The following SMARCA2 variants were observed in gnomAD, a reference collection of about 807,000 sequenced individuals.
SMARCA2 encodes the protein SWI/SNF related BAF chromatin remodeling complex subunit ATPase 2, also known as SWI/SNF-related matrix-associated actin-dependent regulator of chromatin subfamily A member 2.
In SMARCA2, 61 loss-of-function variants were observed where a neutral mutation model predicts 199.8. That is an observed-to-expected ratio of 0.31 (90% CI 0.25 to 0.38). The LOEUF is 0.38. Among genes scored for constraint, SMARCA2 ranks in the 10% least tolerant of loss-of-function variants. SMARCA2 has a pLI of 1.00. For missense variants in SMARCA2, 1,344 were observed against 2,012.2 expected, an observed-to-expected ratio of 0.67 and a Z score of 6.35; for synonymous variants, 935 against 732.0, an observed-to-expected ratio of 1.28 and a Z score of -4.48.
chr9:2,088,423 A>G, intron 18 of SMARCA2, 77 bp from the exon 19 acceptor site: 5 of 1,484,644 alleles, frequency 3.4e-6, no homozygotes, highest in African/African-American at 1.4e-5. Flanking sequence ...TGAACCACAC[A>G]TATGTAACAT....
chr9:2,044,416 A>C (rs1819745861), intron 4 of SMARCA2: 1 of 152,232 alleles, frequency 6.6e-6, no homozygotes, highest in Non-Finnish European at 1.5e-5. Flanking sequence ...ATAGAAAAAG[A>C]GTACTCCCAA....
At chr9:2,030,201 T>G (rs940876473) in intron 2 of SMARCA2, among the ~76,000 whole-genome samples, 5 of 152,162 alleles carry the variant, frequency 3.3e-5, no homozygotes, top group African/African-American at 1.2e-4. Context: ...TAGAGATATA[T>G]GTAAAAAGAG....
At chr9:2,073,394 G>A (rs1341814974) in intron 11 of SMARCA2, 52 bp downstream of exon 11, 3 of 1,607,970 alleles carry the variant, frequency 1.9e-6, no homozygotes, top group South Asian at 2.2e-5. Context: ...TTAGATTTTG[G>A]TAATCTTGTA....
Position 2,157,113 on chromosome 9 carries a change from C to T in SMARCA2, c.3982-4573C>T, listed in dbSNP as rs76157969. 2.3e-3 allele frequency among the ~76,000 whole-genome samples: 351 copies of T among 152,310 alleles called. 3 individuals are homozygous for T. Among genetic ancestry groups the T allele is most frequent in the African/African-American group, 8.0e-3 (333 of 41,558 alleles). ...TAAACCGATTAAAATAACGTAGCAT[C>T]TTTGAGGACGAGCTCTATGTTCAAC... On this transcript the variant is annotated intron_variant, in intron 27 of 33. Coordinates refer to ENST00000349721, the MANE Select transcript of SMARCA2 (RefSeq NM_003070.5).
At chr9:2,057,292 A>T (rs1820396678) in intron 7 of SMARCA2, among the ~76,000 whole-genome samples, 1 of 152,194 alleles carries the variant, frequency 6.6e-6, no homozygotes, top group African/African-American at 2.4e-5. Context: ...GCAGGCCAAG[A>T]AAGCTCTCCG....
chr9:2,078,163 A>G (rs993310096), intron 14 of SMARCA2, among the ~76,000 whole-genome samples: 1 of 152,160 alleles, frequency 6.6e-6, no homozygotes, highest in Admixed American at 6.5e-5. Context: ...TGTCTACTAC[A>G]TTTATGCTTT....
intron 5 of SMARCA2, among the ~76,000 whole-genome samples, chr9:2,051,046 T>C (rs929430803): frequency 6.6e-6 from 1 of 152,188 alleles, no homozygotes; most frequent in African/African-American, 2.4e-5. Context: ...ATCCTGAATC[T>C]CTTTATCGGA....
intron 19 of SMARCA2, among the ~76,000 whole-genome samples, chr9:2,095,562 T>C (rs1234303820): frequency 6.6e-6 from 1 of 152,208 alleles, no homozygotes; most frequent in East Asian, 1.9e-4. Flanking sequence ...GAGGGTTACT[T>C]ACACTTCTCA....
intron 5 of SMARCA2, among the ~76,000 whole-genome samples, chr9:2,048,237 A>G (rs1272049395): frequency 6.6e-6 from 1 of 152,196 alleles, no homozygotes; most frequent in African/African-American, 2.4e-5. Flanking sequence ...ATGTCAACCC[A>G]AAAGGGAGTC....
At chr9:2,080,683 T>G (rs1416329684) in intron 14 of SMARCA2, among the ~76,000 whole-genome samples, 1 of 152,224 alleles carries the variant, frequency 6.6e-6, no homozygotes, top group Non-Finnish European at 1.5e-5. Context: ...CAGAAACCTT[T>G]AGGATGACTT....
intron 17 of SMARCA2, among the ~76,000 whole-genome samples, chr9:2,084,514 T>C (rs1040285493): frequency 6.6e-6 from 1 of 152,046 alleles, no homozygotes; most frequent in Non-Finnish European, 1.5e-5. Flanking sequence ...GCAACTCTTT[T>C]TCTCTCTAAC....
chr9:2,159,903 T>C (rs948004604), intron 27 of SMARCA2: 1 of 1,611,230 alleles, frequency 6.2e-7, no homozygotes, highest in Non-Finnish European at 8.5e-7. Flanking sequence ...CTGCTGATAG[T>C]GGTAAGGTAA....
At chr9:2,172,650 T>C (rs1826318954) in intron 29 of SMARCA2, among the ~76,000 whole-genome samples, 3 of 152,024 alleles carry the variant, frequency 2.0e-5, no homozygotes, top group African/African-American at 4.8e-5. Context: ...TTTGATGTAC[T>C]CTTCTAGGAG....
rs530255005 is a variant in SMARCA2, at chr9:2,149,371, T to A, written c.3982-12315T>A. ...CATCTCTACAAAAATATAAAAAAAA[T>A]TAGCCAGGCATGATGGTGGGTGCCC... On this transcript the variant is annotated intron_variant, in intron 27 of 33. Transcript: ENST00000349721. Among the ~76,000 whole-genome samples, 211 of 150,928 alleles carry A rather than the reference T, an allele frequency of 1.4e-3. 2 individuals carry two copies. Among genetic ancestry groups the A allele is most frequent in the African/African-American group, 4.8e-3 (199 of 41,232 alleles).
chr9:2,125,779 C>T (rs1035514775), intron 27 of SMARCA2, among the ~76,000 whole-genome samples: 8 of 152,288 alleles, frequency 5.3e-5, no homozygotes, highest in African/African-American at 1.4e-4. Flanking sequence ...CGTGAGCCAC[C>T]GTGCCTGGCT....
At chr9:2,177,798 C>T (rs1027485050) in intron 29 of SMARCA2, among the ~76,000 whole-genome samples, 7 of 152,062 alleles carry the variant, frequency 4.6e-5, no homozygotes, top group Admixed American at 6.5e-5. Context: ...GTGATCGGCC[C>T]GCCTCTGCCT....
intron 27 of SMARCA2, among the ~76,000 whole-genome samples, chr9:2,128,427 A>C (rs1377876549): frequency 6.6e-6 from 1 of 152,146 alleles, no homozygotes; most frequent in Non-Finnish European, 1.5e-5. Context: ...TGGTGCTCTT[A>C]GCTCTTTTGT....
At position 2,170,327 on chromosome 9, in the gene SMARCA2, C is replaced by G. The variant is rs539570661; in HGVS notation, c.4200-92C>G. 1 of 1,556,578 alleles carries G rather than the reference C, an allele frequency of 6.4e-7. No individual in the cohort carries two copies. Among genetic ancestry groups the G allele is most frequent in the African/African-American group, 1.4e-5 (1 of 73,314 alleles). On this transcript the variant is annotated intron_variant, in intron 28 of 33. Transcript: ENST00000349721. This position sits in a 1 kb window ranked among gnomAD's most constrained non-coding sequence, Gnocchi z 4.7. ...AGGCAGGTTGGTGAGGAGACTGAGG[C>G]TTGGCCAGGTCACCCAGCCTAGGAA...
chr9:2,158,836 T>A, intron 27 of SMARCA2: 2 of 1,063,942 alleles, frequency 1.9e-6, no homozygotes, highest in Non-Finnish European at 2.6e-6. Flanking sequence ...TTTAGTGAAT[T>A]GATTTCCATT....
Sources: gnomAD v4.1 joint callset for allele counts (sites outside exome capture counted in the v4.1 genomes callset) on GRCh38, gnomAD v4.1.1 for gene constraint, Gnocchi (gnomAD v3.1) non-coding constraint, MANE v1.5 for transcripts, NCBI Gene and HGNC (gene_info 2026-07-23, HGNC 2026-07-21) for gene names.